The following M1AP variants were observed in gnomAD, a reference collection of about 807,000 sequenced individuals.
M1AP encodes the protein meiosis 1 arrest protein.
In M1AP, 39 loss-of-function variants were observed where a neutral mutation model predicts 51.2. The observed-to-expected ratio is 0.76, with a 90% CI of 0.59 to 1.00. The LOEUF (loss-of-function observed/expected upper bound fraction) is 1.00. Ranked by LOEUF, M1AP falls within the 50% of genes least tolerant of loss-of-function variation. M1AP has a pLI of 0.00. For synonymous variants in M1AP, 251 were observed against 249.2 expected (o/e 1.01, Z -0.07); for missense variants, 545 against 641.2 (o/e 0.85, Z 1.62).
chr2:74,598,436 T>C (rs1435516461), intron 4 of M1AP, among the ~76,000 whole-genome samples: 2 of 151,116 alleles, frequency 1.3e-5, no homozygotes, highest in Non-Finnish European at 2.9e-5. Flanking sequence ...TTACTTTAAA[T>C]AACACTTTAT....
chr2:74,583,704 G>C (rs1679546224), intron 4 of M1AP, among the ~76,000 whole-genome samples: 1 of 152,170 alleles, frequency 6.6e-6, no homozygotes, highest in Non-Finnish European at 1.5e-5. Context: ...CAGGGAGAAG[G>C]CTGGATTATT....
At chr2:74,601,744 T>C (rs966247650) in intron 4 of M1AP, among the ~76,000 whole-genome samples, 1 of 152,160 alleles carries the variant, frequency 6.6e-6, no homozygotes. Flanking sequence ...CTAATGTGAA[T>C]GTAATTTAAA....
intron 4 of M1AP, among the ~76,000 whole-genome samples, chr2:74,595,563 G>C (rs944844419): frequency 5.9e-5 from 9 of 152,080 alleles, no homozygotes; most frequent in African/African-American, 2.2e-4. Flanking sequence ...TGTTGCCCAG[G>C]CTGCTCTTGA....
intron 2 of M1AP, chr2:74,619,151 C>T (rs917756128): frequency 3.4e-5 from 9 of 264,512 alleles, no homozygotes; most frequent in Non-Finnish European, 4.7e-5. Flanking sequence ...AGCTAAATGT[C>T]TTCCCTCCTT....
intron 7 of M1AP, among the ~76,000 whole-genome samples, chr2:74,574,302 T>C (rs1053649572): frequency 6.6e-6 from 1 of 152,220 alleles, no homozygotes; most frequent in African/African-American, 2.4e-5. Context: ...ATCTAGTTGT[T>C]CAAGTCAGAA....
chr2:74,601,011 TA>T lies in M1AP; in HGVS notation c.595+6043del, dbSNP rs554589330. On this transcript the variant is annotated intron_variant, in intron 4 of 10. Transcript: ENST00000421985. ...TTTATTTGTTTGTGCCAGGCACTGT[TA>T]TAAGTGCTTTCTTTCCATGCAAGTT... Among the ~76,000 whole-genome samples, 19 of 152,270 alleles carry T rather than the reference TA, an allele frequency of 1.2e-4. No individual in the cohort carries two copies. In the East Asian group the frequency reaches 3.5e-3, roughly 28 times the overall value.
At chr2:74,607,314 A>C in intron 3 of M1AP, 91 bp from the exon 4 acceptor site, 1 of 1,324,450 alleles carries the variant, frequency 7.6e-7, no homozygotes, top group South Asian at 1.2e-5. Flanking sequence ...TAAATACAGC[A>C]TAAGTCTGTG....
chr2:74,573,975 A>C (rs1479072772), intron 7 of M1AP, among the ~76,000 whole-genome samples: 2 of 152,192 alleles, frequency 1.3e-5, no homozygotes, highest in African/African-American at 4.8e-5. Flanking sequence ...TAGTAAACTG[A>C]GCTGTTGGGC....
At chr2:74,647,130 TA>T in intron 1 of M1AP, 1 of 835,494 alleles carries the variant, frequency 1.2e-6, no homozygotes, top group Non-Finnish European at 1.4e-6. Context: ...ATGCCCAAAC[TA>T]AAAACCCTCC....
intron 2 of M1AP, among the ~76,000 whole-genome samples, chr2:74,638,956 T>G (rs181998893): frequency 3.9e-5 from 6 of 152,330 alleles, no homozygotes; most frequent in African/African-American, 1.4e-4. Flanking sequence ...CTTAAATAAT[T>G]TTATCCTTTT....
At position 74,648,285 on chromosome 2, in the gene M1AP, C is replaced by G. The variant is rs1301133291; in HGVS notation, c.-73G>C. The G allele has an allele frequency of 1.0e-6, 1 of 985,092 alleles. No individual in the cohort carries two copies. The highest frequency in any genetic ancestry group is 1.2e-6 in the Non-Finnish European group (1 of 829,726). The allele number at this position is 985,092 out of a possible 1,614,324, so 61.0% of individuals were successfully genotyped here. On this transcript the variant is annotated 5_prime_UTR_variant, in exon 1 of 11. Coordinates refer to ENST00000421985, the MANE Select transcript of M1AP (RefSeq NM_001321739.2). ...CGTACCTGTCTTCGGAAGACGGAGG[C>G]CCCCTCACCTGGTCCTCCCGGCTCT...
chr2:74,608,585 C>G (rs1404503875), intron 3 of M1AP, among the ~76,000 whole-genome samples: 1 of 152,192 alleles, frequency 6.6e-6, no homozygotes, highest in Non-Finnish European at 1.5e-5. Context: ...TTTTCAACTC[C>G]TTTGGGTAAA....
At position 74,648,296 on chromosome 2, in the gene M1AP, G is replaced by A; in HGVS notation, c.-84C>T. On this transcript the variant is annotated 5_prime_UTR_variant, in exon 1 of 11. Transcript: ENST00000421985. ...TCGGAAGACGGAGGCCCCCTCACCT[G>A]GTCCTCCCGGCTCTCAGCGTGCGCC... The A allele has an allele frequency of 2.0e-6, 2 of 985,470 alleles. No homozygotes were observed. Among genetic ancestry groups the A allele is most frequent in the Non-Finnish European group, 2.4e-6 (2 of 829,952 alleles). The allele number at this position is 985,470 out of a possible 1,614,324, so 61.0% of individuals were successfully genotyped here.
chr2:74,588,853 T>C (rs112998772), intron 4 of M1AP, among the ~76,000 whole-genome samples: 278 of 152,376 alleles, frequency 1.8e-3, no homozygotes, highest in Non-Finnish European at 3.0e-3. Context: ...TTCATTTGCT[T>C]AGTCATTCAT....
chr2:74,578,961 T>C (rs2104579461), intron 5 of M1AP, among the ~76,000 whole-genome samples: 1 of 152,230 alleles, frequency 6.6e-6, no homozygotes, highest in Non-Finnish European at 1.5e-5. Flanking sequence ...GTTTAAAATC[T>C]CAGGTGGGTC....
chr2:74,570,039 T>C (rs1487074018), intron 7 of M1AP, among the ~76,000 whole-genome samples: 2 of 152,076 alleles, frequency 1.3e-5, no homozygotes, highest in Non-Finnish European at 2.9e-5. Context: ...TTGGTGTCCT[T>C]TGAATACACA....
At chr2:74,623,299 T>C (rs1168527159) in intron 2 of M1AP, among the ~76,000 whole-genome samples, 1 of 151,432 alleles carries the variant, frequency 6.6e-6, no homozygotes, top group East Asian at 1.9e-4. Flanking sequence ...AGCTCAAGAG[T>C]TCAAGACCAG....
chr2:74,558,406 C>A lies in M1AP; in HGVS notation c.*310G>T. 1 of 310,800 alleles carries A rather than the reference C, an allele frequency of 3.2e-6. No homozygotes were observed. Among genetic ancestry groups the A allele is most frequent in the South Asian group, 3.8e-5 (1 of 26,496 alleles). The allele number at this position is 310,800 out of a possible 1,614,324, so 19.3% of individuals were successfully genotyped here. On this transcript the variant is annotated 3_prime_UTR_variant, in exon 11 of 11. Coordinates refer to ENST00000421985, the MANE Select transcript of M1AP (RefSeq NM_001321739.2). ...TTACACAGAGCTACAAGAAGAAATT[C>A]TGAGTTATGAATGCTCCTAACAATG... is the stretch of plus-strand genomic sequence containing the variant.
chr2:74,643,905 A>G (rs1043724764), intron 1 of M1AP, among the ~76,000 whole-genome samples: 2 of 152,026 alleles, frequency 1.3e-5, no homozygotes, highest in Admixed American at 1.3e-4. Flanking sequence ...CTAATGTTCT[A>G]TTTCTTGATC....
Sources: gnomAD v4.1 joint callset for allele counts (sites outside exome capture counted in the v4.1 genomes callset) on GRCh38, gnomAD v4.1.1 for gene constraint, MANE v1.5 for transcripts, NCBI Gene and HGNC (gene_info 2026-07-23, HGNC 2026-07-21) for gene names.